PAH: variants seen among roughly 807,000 people sequenced by gnomAD.
PAH encodes the protein phenylalanine-4-hydroxylase.
A neutral mutation model predicts 62.0 loss-of-function variants in PAH; 64 were observed. The observed-to-expected ratio is 1.03, with a 90% confidence interval of 0.84 to 1.27. PAH has a LOEUF of 1.27. Ranked by LOEUF, PAH falls within the 50% of genes most tolerant of loss-of-function variation. The pLI is 0.00. For synonymous variants in PAH, 195 were observed against 196.2 expected (o/e 0.99, Z 0.05); for missense variants, 579 against 542.8 (o/e 1.07, Z -0.66).
At chr12:102,863,374 A>G (rs1476023277) in intron 5 of PAH, among the ~76,000 whole-genome samples, 2 of 152,138 alleles carry the variant, frequency 1.3e-5, no homozygotes, top group Non-Finnish European at 2.9e-5. Context: ...GGGACTCAAC[A>G]TCTGTTCCCC....
At chr12:102,913,949 T>G in intron 1 of PAH, 2 of 674,924 alleles carry the variant, frequency 3.0e-6, no homozygotes, top group Non-Finnish European at 5.4e-6. Flanking sequence ...AAGAAAAAAA[T>G]TTGCAGAACA....
intron 11 of PAH, among the ~76,000 whole-genome samples, chr12:102,841,564 C>A (rs1874597536): frequency 6.6e-6 from 1 of 152,148 alleles, no homozygotes; most frequent in Admixed American, 6.5e-5. Flanking sequence ...CAGGGGGTTG[C>A]AGCAAATGCT....
At chr12:102,923,993 G>A (rs556606405) in intron 1 of PAH, among the ~76,000 whole-genome samples, 1 of 152,252 alleles carries the variant, frequency 6.6e-6, no homozygotes, top group Non-Finnish European at 1.5e-5. Flanking sequence ...CTTTATACAC[G>A]AGTTAGGCAG....
intron 3 of PAH, among the ~76,000 whole-genome samples, chr12:102,887,980 A>G (rs1216145543): frequency 6.6e-6 from 1 of 152,062 alleles, no homozygotes; most frequent in Non-Finnish European, 1.5e-5. Flanking sequence ...CCCAGTCTAA[A>G]TTTTTCTACC....
chr12:102,855,589 A>G (rs1211173359), intron 5 of PAH, among the ~76,000 whole-genome samples: 1 of 152,200 alleles, frequency 6.6e-6, no homozygotes, highest in East Asian at 1.9e-4. Flanking sequence ...CACTTTCGGG[A>G]AATCACTTGG....
At position 102,842,473 on chromosome 12, in the gene PAH, T is replaced by A. The variant is rs150802347; in HGVS notation, c.1199+1173A>T. 3.1e-3 allele frequency among the ~76,000 whole-genome samples: 476 copies of A among 152,288 alleles called. 6 individuals are homozygous for A. The highest frequency in any genetic ancestry group is 0.01 in the African/African-American group (416 of 41,542). On this transcript the variant is annotated intron_variant, in intron 11 of 12. Transcript: ENST00000553106. Reference sequence around the variant, plus strand: ...TCCATTTTAAAAGAAAGAAAGTTAGTCCTCTTTGAAGTCTCTTTATTCCAA... The same window carrying A: ...TCCATTTTAAAAGAAAGAAAGTTAGACCTCTTTGAAGTCTCTTTATTCCAA...
chr12:102,935,875 T>C (rs1017187518), intron 1 of PAH, among the ~76,000 whole-genome samples: 4 of 151,946 alleles, frequency 2.6e-5, no homozygotes, highest in Non-Finnish European at 5.9e-5. Flanking sequence ...ATTGTTTTCT[T>C]TGTTTTATTT....
intron 11 of PAH, among the ~76,000 whole-genome samples, chr12:102,842,804 G>A (rs925366222): frequency 3.9e-5 from 6 of 152,122 alleles, no homozygotes; most frequent in African/African-American, 1.4e-4. Flanking sequence ...GCCATAGATA[G>A]GGTTGAAAGC....
intron 5 of PAH, among the ~76,000 whole-genome samples, chr12:102,861,500 T>G (rs1156812688): frequency 2.0e-5 from 3 of 152,230 alleles, no homozygotes; most frequent in Non-Finnish European, 4.4e-5. Flanking sequence ...CAAAGGATTA[T>G]AAATCATGCT....
chr12:102,874,197 G>A (rs1356774594), intron 4 of PAH, among the ~76,000 whole-genome samples: 1 of 152,176 alleles, frequency 6.6e-6, no homozygotes, highest in Admixed American at 6.5e-5. Context: ...GGAAATAACA[G>A]GTGGGTTGGC....
chr12:102,840,939 G>A (rs1874569592), intron 11 of PAH, among the ~76,000 whole-genome samples: 1 of 152,172 alleles, frequency 6.6e-6, no homozygotes, highest in South Asian at 2.1e-4. Flanking sequence ...GGTGAAGAAA[G>A]CACTATGTTA....
intron 1 of PAH, 145 bp from the exon 2 acceptor site, chr12:102,913,043 A>AT (rs1190949240): frequency 7.6e-6 from 5 of 660,118 alleles, no homozygotes. Context: ...CTATACAGAA[A>AT]TATGTAGTGT....
intron 3 of PAH, among the ~76,000 whole-genome samples, chr12:102,882,932 T>C (rs1846074687): frequency 1.3e-5 from 2 of 151,956 alleles, no homozygotes; most frequent in Non-Finnish European, 2.9e-5. Context: ...TGTTAACCAT[T>C]AATATGACAA....
intron 11 of PAH, among the ~76,000 whole-genome samples, chr12:102,842,824 C>A (rs1874649824): frequency 6.6e-6 from 1 of 152,178 alleles, no homozygotes; most frequent in African/African-American, 2.4e-5. Context: ...CTAACATACC[C>A]AGTGTCATAG....
At chr12:102,930,570 T>C (rs1357260) in intron 1 of PAH, among the ~76,000 whole-genome samples, 4,816 of 152,316 alleles carry the variant, frequency 0.032, 266 homozygotes, top group African/African-American at 0.11. Context: ...TCTTTTGCAC[T>C]GACTTTTATA....
At chr12:102,861,819 G>A (rs1345619297) in intron 5 of PAH, among the ~76,000 whole-genome samples, 1 of 151,930 alleles carries the variant, frequency 6.6e-6, no homozygotes, top group African/African-American at 2.4e-5. Context: ...CATCACACAC[G>A]GGCCTGTTGT....
At chr12:102,840,643 A>G in intron 11 of PAH, 128 bp from the exon 12 acceptor site, 2 of 727,368 alleles carry the variant, frequency 2.7e-6, no homozygotes, top group East Asian at 2.7e-5. Flanking sequence ...GGTCTTCAAC[A>G]GCCAGGGCTG....
intron 3 of PAH, among the ~76,000 whole-genome samples, chr12:102,878,625 G>A (rs1876678875): frequency 6.6e-6 from 1 of 151,874 alleles, no homozygotes; most frequent in African/African-American, 2.4e-5. Flanking sequence ...GAAAAAGAAG[G>A]AGGGAAGGAA....
At chr12:102,931,780 T>A (rs1878884972) in intron 1 of PAH, among the ~76,000 whole-genome samples, 1 of 152,140 alleles carries the variant, frequency 6.6e-6, no homozygotes, top group South Asian at 2.1e-4. Flanking sequence ...ACTCCCTCAA[T>A]ACAGAGACTG....
Sources: gnomAD v4.1 joint callset for allele counts (sites outside exome capture counted in the v4.1 genomes callset) on GRCh38, gnomAD v4.1.1 for gene constraint, MANE v1.5 for transcripts, NCBI Gene and HGNC (gene_info 2026-07-23, HGNC 2026-07-21) for gene names.